The following EGF variants were observed in gnomAD, a reference collection of about 807,000 sequenced individuals.
EGF encodes the protein pro-epidermal growth factor.
In EGF, 95 loss-of-function variants were observed where a neutral mutation model predicts 143.8. The ratio of observed to expected loss-of-function variants is 0.66; its 90% CI spans 0.56 to 0.78. The LOEUF (loss-of-function observed/expected upper bound fraction) is 0.78. EGF is among the 30% of genes least tolerant of loss of function. The pLI is 0.00. For synonymous variants in EGF, 510 were observed against 510.5 expected (o/e 1.00, Z 0.01); for missense variants, 1,320 against 1,470.9 (o/e 0.90, Z 1.68).
At chr4:109,933,221 C>T (rs1324727838) in intron 1 of EGF, among the ~76,000 whole-genome samples, 1 of 152,138 alleles carries the variant, frequency 6.6e-6, no homozygotes, top group Non-Finnish European at 1.5e-5. Context: ...TGCCCTTTCC[C>T]TTTTTCCCAA....
At position 109,933,278 on chromosome 4, in the gene EGF, A is replaced by G. The variant is rs142926452; in HGVS notation, c.128-7668A>G. ...CTGCAGTGGAGCATGGGCCCTCGCTATGTGTCTGCATAGCGGGGCTTGTAT... is the reference window on the plus strand; with the variant it reads ...CTGCAGTGGAGCATGGGCCCTCGCTGTGTGTCTGCATAGCGGGGCTTGTAT... On this transcript the variant is annotated intron_variant, in intron 1 of 23. Transcript: ENST00000265171. 9.7e-3 allele frequency among the ~76,000 whole-genome samples: 1,482 copies of G among 152,232 alleles called. 15 individuals are homozygous for G. Among genetic ancestry groups the G allele is most frequent in the Non-Finnish European group, 0.015 (1,001 of 68,008 alleles).
chr4:109,921,675 G>A (rs1004188406), intron 1 of EGF, among the ~76,000 whole-genome samples: 28 of 151,574 alleles, frequency 1.8e-4, no homozygotes, highest in African/African-American at 6.9e-4. Flanking sequence ...ACATCCATGA[G>A]GTGGTTCTTT....
intron 16 of EGF, among the ~76,000 whole-genome samples, chr4:109,984,571 A>G (rs572561504): frequency 9.2e-5 from 14 of 152,310 alleles, no homozygotes; most frequent in Non-Finnish European, 1.5e-4. Context: ...CCAGGTATAC[A>G]AAACATCAGG....
intron 1 of EGF, among the ~76,000 whole-genome samples, chr4:109,927,723 CAAA>C (rs1168036243): frequency 1.9e-5 from 1 of 51,602 alleles, no homozygotes. Context: ...GACACCGTCT[CAAA>C]AAAAAAAAAA....
intron 18 of EGF, among the ~76,000 whole-genome samples, chr4:109,991,539 T>A (rs1750938674): frequency 6.6e-6 from 1 of 152,116 alleles, no homozygotes; most frequent in South Asian, 2.1e-4. Flanking sequence ...AGGCTGTTCT[T>A]GCAGTAATGT....
intron 5 of EGF, among the ~76,000 whole-genome samples, chr4:109,945,759 C>G (rs983524908): frequency 1.3e-5 from 2 of 152,026 alleles, no homozygotes; most frequent in Non-Finnish European, 2.9e-5. Context: ...AGGAAAAGGA[C>G]TTTGAGTTTC....
Position 109,999,527 on chromosome 4 carries a change from C to T in EGF, c.3006-152C>T, listed in dbSNP as rs192725761. 9.5e-5 allele frequency: 91 copies of T among 959,330 alleles called. No individual in the cohort carries two copies. The Admixed American group carries it at 1.7e-3, about 18-fold the overall frequency. 59.4% of individuals were successfully genotyped at this position (959,330 alleles called of 1,614,324 possible). On this transcript the variant is annotated intron_variant, in intron 20 of 23. Coordinates refer to ENST00000265171, the MANE Select transcript of EGF (RefSeq NM_001963.6). ...CTGCATTAACTTGTAAATCATAGCG[C>T]TTTCAACTGACCCCTGATGGATTTT...
chr4:109,918,906 T>G lies in EGF; in HGVS notation c.127+5444T>G, dbSNP rs538282147. Among the ~76,000 whole-genome samples the G allele has an allele frequency of 2.0e-4, 30 of 152,236 alleles. No individual in the cohort carries two copies. The South Asian group carries it at 4.6e-3, about 23-fold the overall frequency. On this transcript the variant is annotated intron_variant, in intron 1 of 23. Transcript: ENST00000265171. ...GACATCTCTTTTTCTTGGGCCTTAGTCTTCCACCACATGAGCGAAACCCTC... is the reference window on the plus strand; with the variant it reads ...GACATCTCTTTTTCTTGGGCCTTAGGCTTCCACCACATGAGCGAAACCCTC...
At chr4:109,980,681 T>C (rs1484794224) in intron 14 of EGF, 145 bp from the exon 15 acceptor site, 1 of 882,498 alleles carries the variant, frequency 1.1e-6, no homozygotes, top group South Asian at 1.4e-5. Flanking sequence ...TCTTCTGAAA[T>C]AGCTATTGAT....
At chr4:109,933,882 T>G (rs573160362) in intron 1 of EGF, among the ~76,000 whole-genome samples, 15 of 152,356 alleles carry the variant, frequency 9.8e-5, no homozygotes, top group African/African-American at 3.6e-4. Flanking sequence ...ACAATAAACA[T>G]ATGTGTGCAT....
Position 109,988,649 on chromosome 4 carries a change from G to T in EGF, c.2674G>T (p.Glu892Ter). The T allele has an allele frequency of 6.2e-7, 1 of 1,614,062 alleles. No individual in the cohort carries two copies. Among genetic ancestry groups the T allele is most frequent in the Non-Finnish European group, 8.5e-7 (1 of 1,179,916 alleles). The change falls in exon 18 of 24, where the codon GAA (glutamate) becomes TAA (stop). Residue 892 changes from glutamate (E) to a stop codon, truncating the protein, a stop_gained. Transcript: ENST00000265171. LOFTEE classifies it high-confidence loss of function. ...TGCCTCCTCCAAGTGCATCAACACC[G>T]AAGGTGGTTATGTCTGCCGGTGCTC... Reference protein sequence around the residue: ...PPASSKCINTEGGYVCRCSEG... With the variant: ...PPASSKCINT
intron 5 of EGF, among the ~76,000 whole-genome samples, chr4:109,945,481 A>G (rs553924070): frequency 6.6e-6 from 1 of 152,294 alleles, no homozygotes; most frequent in African/African-American, 2.4e-5. Context: ...TCACACTTGT[A>G]ATCTCCACAT....
intron 6 of EGF, among the ~76,000 whole-genome samples, chr4:109,960,644 C>T (rs562697943): frequency 7.9e-5 from 12 of 152,114 alleles, no homozygotes; most frequent in African/African-American, 2.4e-4. Flanking sequence ...GACTCTATCT[C>T]GGGGAAAACA....
chr4:109,995,013 A>G, intron 20 of EGF, 133 bp downstream of exon 20: 3 of 1,087,342 alleles, frequency 2.8e-6, no homozygotes, highest in South Asian at 1.3e-5. Flanking sequence ...AAACATACAC[A>G]TATGAACCAC....
intron 19 of EGF, 143 bp from the exon 20 acceptor site, chr4:109,994,590 T>C: frequency 1.0e-6 from 1 of 976,694 alleles, no homozygotes; most frequent in South Asian, 1.4e-5. Context: ...GCTAGGAAAG[T>C]GAAACTATTG....
intron 1 of EGF, among the ~76,000 whole-genome samples, chr4:109,926,401 CT>C (rs1309929341): frequency 6.8e-6 from 1 of 147,330 alleles, no homozygotes; most frequent in African/African-American, 2.6e-5. Context: ...GTCGCCCAAG[CT>C]GGAGTGCAGT....
chr4:109,947,170 G>A (rs1416074151), intron 5 of EGF, among the ~76,000 whole-genome samples: 2 of 103,294 alleles, frequency 1.9e-5, no homozygotes, highest in African/African-American at 1.4e-4. Context: ...ATACCACAAG[G>A]GGCCTACAGA....
At chr4:109,995,024 G>C in intron 20 of EGF, 144 bp downstream of exon 20, 1 of 929,978 alleles carries the variant, frequency 1.1e-6, no homozygotes, top group South Asian at 1.4e-5. Context: ...TATGAACCAC[G>C]TGTGTGCACT....
intron 7 of EGF, among the ~76,000 whole-genome samples, chr4:109,961,501 T>C (rs1357889518): frequency 6.6e-6 from 1 of 152,244 alleles, no homozygotes; most frequent in Non-Finnish European, 1.5e-5. Context: ...TTATATTTCA[T>C]TGTCTATCTC....
Sources: gnomAD v4.1 joint callset for allele counts (sites outside exome capture counted in the v4.1 genomes callset) on GRCh38, gnomAD v4.1.1 for gene constraint, MANE v1.5 for transcripts, NCBI Gene and HGNC (gene_info 2026-07-23, HGNC 2026-07-21) for gene names.